The following PDE10A variants were observed in gnomAD, a reference collection of about 807,000 sequenced individuals.
The protein encoded by PDE10A is cAMP and cAMP-inhibited cGMP 3',5'-cyclic phosphodiesterase 10A.
In PDE10A, 39 loss-of-function variants were observed where a neutral mutation model predicts 97.7. The observed-to-expected ratio is 0.40, with a 90% CI of 0.31 to 0.52. The LOEUF is 0.52. Ranked by LOEUF, PDE10A falls within the 20% of genes least tolerant of loss-of-function variation. PDE10A has a pLI of 0.56. For missense variants in PDE10A, 731 were observed against 1,047.8 expected (o/e 0.70, Z 4.17); for synonymous variants, 371 against 376.8 (o/e 0.98, Z 0.18).
chr6:165,501,422 G>A (rs1371966343), intron 2 of PDE10A, among the ~76,000 whole-genome samples: 9 of 152,078 alleles, frequency 5.9e-5, no homozygotes, highest in East Asian at 1.9e-4. Context: ...TTAGCCAGGC[G>A]TGGTGGCGGG....
At chr6:165,665,680 G>A (rs1790480403), upstream of PDE10A, among the ~76,000 whole-genome samples, 1 of 151,174 alleles carries the variant, frequency 6.6e-6, no homozygotes, top group South Asian at 2.1e-4. Context: ...GAAATTCCAA[G>A]CCCACGTTGC....
chr6:165,854,769 C>G (rs1410617638), intron 1 of PDE10A, among the ~76,000 whole-genome samples: 3 of 152,174 alleles, frequency 2.0e-5, no homozygotes, highest in African/African-American at 2.4e-5. Context: ...GCAGCTGCCC[C>G]GGGCAGAGCG....
rs929652524 is a variant in PDE10A, at chr6:165,327,822, G to A, written c.*5203C>T. The A allele has an allele frequency of 2.0e-5, 3 of 152,168 alleles. No individual in the cohort carries two copies. The highest frequency in any genetic ancestry group is 7.2e-5 in the African/African-American group (3 of 41,440). The allele number at this position is 152,168 out of a possible 1,614,324, so 9.4% of individuals were successfully genotyped here. A position where few individuals can be genotyped will look rare whatever the true frequency, so the allele number is the denominator to read the frequency against. On this transcript the variant is annotated 3_prime_UTR_variant, in exon 22 of 22. Coordinates refer to ENST00000539869, the MANE Select transcript of PDE10A (RefSeq NM_001385079.1). ...GAGCCTATTAAAATTCTGGACACAG[G>A]TTCATTGACTCTACAAATCAGTTCT...
intron 1 of PDE10A, among the ~76,000 whole-genome samples, chr6:165,747,775 G>T (rs1261685536): frequency 2.0e-5 from 3 of 152,178 alleles, no homozygotes; most frequent in Non-Finnish European, 4.4e-5. Flanking sequence ...TGAAGGTCCA[G>T]GCAGAAGCCC....
intron 1 of PDE10A, among the ~76,000 whole-genome samples, chr6:165,700,169 A>T (rs1338994803): frequency 2.0e-5 from 3 of 152,228 alleles, no homozygotes; most frequent in Non-Finnish European, 1.5e-5. Context: ...AACCTTGAAA[A>T]CATTATGCTC....
At chr6:165,876,440 C>G (rs554321488) in intron 1 of PDE10A, among the ~76,000 whole-genome samples, 2 of 152,142 alleles carry the variant, frequency 1.3e-5, no homozygotes, top group African/African-American at 4.8e-5. Flanking sequence ...AAGTCTCAAA[C>G]AGTGCAACTC....
chr6:165,543,334 A>C (rs1783562647), intron 2 of PDE10A, 106 bp downstream of exon 2: 2 of 801,114 alleles, frequency 2.5e-6, no homozygotes, highest in Admixed American at 3.0e-5. Context: ...TACAGTGTTA[A>C]TATTTGTCTA....
intron 1 of PDE10A, among the ~76,000 whole-genome samples, chr6:165,934,818 A>G (rs1783270679): frequency 6.6e-6 from 1 of 152,216 alleles, no homozygotes. Flanking sequence ...GCTTTTAGAT[A>G]CAAATGTAAG....
At chr6:165,921,619 A>C (rs1016725296) in intron 1 of PDE10A, among the ~76,000 whole-genome samples, 3 of 152,188 alleles carry the variant, frequency 2.0e-5, no homozygotes, top group African/African-American at 7.2e-5. Flanking sequence ...GGCACAGATC[A>C]AAAGGGGTGA....
intron 1 of PDE10A, among the ~76,000 whole-genome samples, chr6:165,719,512 A>G (rs558169653): frequency 1.3e-5 from 2 of 152,372 alleles, no homozygotes; most frequent in South Asian, 4.1e-4. Context: ...ATGTTGTGGT[A>G]GGATAGATTT....
At chr6:165,629,025 T>A (rs1431636266) in intron 1 of PDE10A, among the ~76,000 whole-genome samples, 1 of 152,134 alleles carries the variant, frequency 6.6e-6, no homozygotes, top group Non-Finnish European at 1.5e-5. Context: ...GTTTTTTTTT[T>A]AATACAGAGA....
At chr6:165,477,618 T>C (rs1684545464) in intron 3 of PDE10A, among the ~76,000 whole-genome samples, 1 of 152,196 alleles carries the variant, frequency 6.6e-6, no homozygotes, top group African/African-American at 2.4e-5. Context: ...ATTATTCTCA[T>C]AGGTGACATT....
chr6:165,620,495 T>G lies in PDE10A; in HGVS notation c.865+41452A>C, dbSNP rs976561879. On this transcript the variant is annotated intron_variant, in intron 1 of 21. Coordinates refer to ENST00000539869, the MANE Select transcript of PDE10A (RefSeq NM_001385079.1). Reference sequence around the variant, plus strand: ...ACTGTGGAAAACCTAGCTGTTCCCTTCTTTAGAAACAGCCGAGGAAATGGT... The same window carrying G: ...ACTGTGGAAAACCTAGCTGTTCCCTGCTTTAGAAACAGCCGAGGAAATGGT... Among the ~76,000 whole-genome samples the G allele has an allele frequency of 1.1e-4, 17 of 152,166 alleles. 1 individual carries two copies. Among genetic ancestry groups the G allele is most frequent in the Non-Finnish European group, 2.9e-5 (2 of 68,036 alleles).
intron 18 of PDE10A, among the ~76,000 whole-genome samples, chr6:165,372,633 T>C (rs1403800799): frequency 1.3e-5 from 2 of 151,008 alleles, no homozygotes; most frequent in African/African-American, 4.9e-5. Flanking sequence ...GAATCAATAT[T>C]GTGAAAATCG....
At chr6:165,379,788 A>G (rs1181293901) in intron 17 of PDE10A, among the ~76,000 whole-genome samples, 2 of 152,238 alleles carry the variant, frequency 1.3e-5, no homozygotes, top group Non-Finnish European at 2.9e-5. Context: ...TAAAAAAGGC[A>G]TCTATATCCT....
intron 18 of PDE10A, among the ~76,000 whole-genome samples, chr6:165,356,449 C>T (rs766346114): frequency 7.9e-5 from 12 of 152,100 alleles, no homozygotes; most frequent in South Asian, 2.1e-4. Flanking sequence ...ATAATACCTT[C>T]GTCAAACATA....
chr6:165,573,850 G>T (rs1217386111), intron 1 of PDE10A, among the ~76,000 whole-genome samples: 3 of 152,192 alleles, frequency 2.0e-5, no homozygotes, highest in Non-Finnish European at 4.4e-5. Flanking sequence ...AAAGAGCCAA[G>T]GTGCTACTTC....
chr6:165,593,380 GTACATGTA>G (rs1786397612), intron 1 of PDE10A, among the ~76,000 whole-genome samples: 1 of 151,922 alleles, frequency 6.6e-6, no homozygotes, highest in Non-Finnish European at 1.5e-5. Context: ...AACCACCAAG[GTACATGTA>G]TACCTATATA....
At chr6:165,530,059 G>A (rs1782679168) in intron 2 of PDE10A, among the ~76,000 whole-genome samples, 1 of 151,984 alleles carries the variant, frequency 6.6e-6, no homozygotes, top group African/African-American at 2.4e-5. Context: ...ATATAATACA[G>A]GCAGAAAAAC....
Sources: gnomAD v4.1 joint callset for allele counts (sites outside exome capture counted in the v4.1 genomes callset) on GRCh38, gnomAD v4.1.1 for gene constraint, MANE v1.5 for transcripts, NCBI Gene and HGNC (gene_info 2026-07-23, HGNC 2026-07-21) for gene names.